Variants in INTS1 observed in about 807,000 individuals in gnomAD.
The protein encoded by INTS1 is integrator complex subunit 1.
In INTS1, 137 loss-of-function variants were observed where a neutral mutation model predicts 241.6. That is an observed-to-expected ratio of 0.57 (90% CI 0.49 to 0.65). The LOEUF (loss-of-function observed/expected upper bound fraction) is 0.65, where lower values mean the gene tolerates loss of function less well. Among genes scored for constraint, INTS1 ranks in the 30% least tolerant of loss-of-function variants. The pLI is 0.00. For synonymous variants in INTS1, 1,692 were observed against 1,337.8 expected (o/e 1.26, Z -5.78); for missense variants, 3,073 against 3,032.2 (o/e 1.01, Z -0.32).
rs1486656935 is a variant in INTS1, at chr7:1,489,586, C to T, written c.2257+5G>A. On this transcript the variant is annotated splice_donor_5th_base_variant and intron_variant, in intron 17 of 47. Coordinates refer to ENST00000404767, the MANE Select transcript of INTS1 (RefSeq NM_001080453.3). ...GTGCGCATGGGGCGGCCAGCAGAGG[C>T]TCACCGATGTTCTCTGGGTTGAATG... 6.4e-7 allele frequency: 1 copy of T among 1,574,622 alleles called. No individual in the cohort carries two copies. The highest frequency in any genetic ancestry group is 2.3e-5 in the East Asian group (1 of 43,346).
At chr7:1,478,639 G>A in intron 32 of INTS1, 87 bp downstream of exon 32, 1 of 1,487,140 alleles carries the variant, frequency 6.7e-7, no homozygotes, top group Non-Finnish European at 9.0e-7. Flanking sequence ...CACTGCCCAG[G>A]CCTCGGGGTG....
chr7:1,500,450 A>G, intron 3 of INTS1, 84 bp from the exon 4 acceptor site: 1 of 1,391,684 alleles, frequency 7.2e-7, no homozygotes, highest in Non-Finnish European at 9.5e-7. Flanking sequence ...ACCACGAGGA[A>G]CCCAGAGCTC....
rs142418270 is a variant in INTS1, at chr7:1,500,620, C to T, written c.350-254G>A. Reference sequence around the variant, plus strand: ...AGTCCTGGCTCCGCTGTGTCCCACACGACTACCCCAAAGGCTACAGACATT... The same window carrying T: ...AGTCCTGGCTCCGCTGTGTCCCACATGACTACCCCAAAGGCTACAGACATT... On this transcript the variant is annotated intron_variant, in intron 3 of 47. Transcript: ENST00000404767. 3.9e-3 allele frequency among the ~76,000 whole-genome samples: 592 copies of T among 152,358 alleles called. 4 individuals carry two copies. Among genetic ancestry groups the T allele is most frequent in the African/African-American group, 0.014 (570 of 41,584 alleles).
Position 1,487,038 on chromosome 7 carries a change from C to A in INTS1, c.2710G>T (p.Val904Leu). 1 of 1,587,486 alleles carries A rather than the reference C, an allele frequency of 6.3e-7. No individual in the cohort carries two copies. The highest frequency in any genetic ancestry group is 8.5e-7 in the Non-Finnish European group (1 of 1,170,576). The change falls in exon 21 of 48, where the codon GTG (valine) becomes TTG (leucine). Residue 904 changes from valine (V) to leucine (L), a missense_variant. Coordinates refer to ENST00000404767, the MANE Select transcript of INTS1 (RefSeq NM_001080453.3). ...LVQSSEGSLD[V>L]LPVQCLCEFL... The stretch of plus-strand genomic sequence containing the variant: ...TCGCACAGACACTGCACGGGCAGCA[C>A]GTCCAGGGAGCCCTCGCTGGACTGT...
At chr7:1,486,877 G>T in intron 21 of INTS1, 45 bp downstream of exon 21, 4 of 1,589,494 alleles carry the variant, frequency 2.5e-6, no homozygotes, top group Non-Finnish European at 3.4e-6. Flanking sequence ...CCTGACAGGG[G>T]TGCGGGGTGA....
chr7:1,502,770 C>T, intron 3 of INTS1, 131 bp downstream of exon 3: 2 of 1,003,436 alleles, frequency 2.0e-6, no homozygotes, highest in East Asian at 2.4e-5. Flanking sequence ...AAGAACAAGC[C>T]ACAAACATCC....
rs778609773 is a variant in INTS1, at chr7:1,487,018, C to G, written c.2730G>C (p.Leu910=). The G allele has an allele frequency of 1.2e-6, 2 of 1,602,596 alleles. No homozygotes were observed. Among genetic ancestry groups the G allele is most frequent in the Non-Finnish European group, 1.7e-6 (2 of 1,177,210 alleles). The change falls in exon 21 of 48, where the codon CTG becomes CTC. Residue 910 remains leucine, a synonymous_variant. Coordinates refer to ENST00000404767, the MANE Select transcript of INTS1 (RefSeq NM_001080453.3). ...CAGCATCGTGCAGCAGGAACTCGCA[C>G]AGACACTGCACGGGCAGCACGTCCA... ...GSLDVLPVQC[L]CEFLLHDAVD...
chr7:1,495,415 A>ACAGGGGCTGTG lies in INTS1; in HGVS notation c.1832+17_1832+18insCACAGCCCCTG. On this transcript the variant is annotated intron_variant, in intron 13 of 47. Transcript: ENST00000404767. ...CAGTGGGGTGTGGGACAGGGGCTGTACAGGGCCCCAGCCGCACCAGTGCAC... is the reference window on the plus strand; with the variant it reads ...CAGTGGGGTGTGGGACAGGGGCTGTACAGGGGCTGTGCAGGGCCCCAGCCGCACCAGTGCAC... 3 of 1,602,636 alleles carry ACAGGGGCTGTG rather than the reference A, an allele frequency of 1.9e-6. No homozygotes were observed. In the Admixed American group the frequency reaches 5.0e-5, roughly 27 times the overall value.
At chr7:1,494,954 G>A in intron 13 of INTS1, 61 bp from the exon 14 acceptor site, 1 of 1,538,520 alleles carries the variant, frequency 6.5e-7, no homozygotes, top group East Asian at 2.4e-5. Context: ...AGCCCCGTTA[G>A]TTCCAGGGAA....
At chr7:1,496,662 G>C (rs561982738) in intron 11 of INTS1, among the ~76,000 whole-genome samples, 4 of 152,168 alleles carry the variant, frequency 2.6e-5, no homozygotes, top group Non-Finnish European at 5.9e-5. Context: ...GGCCACAGGA[G>C]GGAGGTTCAG....
chr7:1,489,663 C>A lies in INTS1; in HGVS notation c.2185G>T (p.Ala729Ser). 1.3e-6 allele frequency: 2 copies of A among 1,567,060 alleles called. No individual in the cohort carries two copies. Among genetic ancestry groups the A allele is most frequent in the Non-Finnish European group, 1.7e-6 (2 of 1,154,816 alleles). The change falls in exon 17 of 48, where the codon GCC (alanine) becomes TCC (serine). Residue 729 changes from alanine (A) to serine (S), a missense_variant. Transcript: ENST00000404767. ...LPPGYQPPNL[A>S]ISTLYWKAWP... ...GCCTTCCAGTAGAGGGTAGAGATGG[C>A]GAGGTTCGGAGGCTGGTACCTGGAA...
rs1781796333 is a variant in INTS1 at position 1,477,845 on chromosome 7, A to C, written c.4722T>G (p.Phe1574Leu). The C allele has an allele frequency of 6.2e-7, 1 of 1,612,446 alleles. No individual in the cohort carries two copies. The highest frequency in any genetic ancestry group is 8.5e-7 in the Non-Finnish European group (1 of 1,179,848). ...FSATADAASP[F>L]PACKPVVVVS... ...CCACCACAACGGGCTTACAGGCTGG[A>C]AACGGGGAGGCAGCATCCGCAGTGG... The change falls in exon 34 of 48, where the codon TTT becomes TTG. Residue 1574 changes from phenylalanine (F) to leucine (L), a missense_variant. Transcript: ENST00000404767.
In INTS1 at chr7:1,498,989, G is replaced by C; in HGVS notation, c.1123C>G (p.Leu375Val). The C allele has an allele frequency of 6.7e-7, 1 of 1,485,178 alleles. No homozygotes were observed. Among genetic ancestry groups the C allele is most frequent in the Non-Finnish European group, 9.0e-7 (1 of 1,115,292 alleles). 92.0% of individuals were successfully genotyped at this position (1,485,178 alleles called of 1,614,324 possible). Residue 375 changes from leucine (L) to valine (V), a missense_variant, in exon 8 of 48, where the codon CTG becomes GTG. Transcript: ENST00000404767. Reference protein sequence around the residue: ...LLAVQKLEMWLQNPKLTRPAQ... With the variant: ...LLAVQKLEMWVQNPKLTRPAQ... Reference sequence around the variant, plus strand: ...CGCCCCCGCACCTTGGGGTTCTGCAGCCACATCTCCAGCTTCTGCACCGCC... The same window carrying C: ...CGCCCCCGCACCTTGGGGTTCTGCACCCACATCTCCAGCTTCTGCACCGCC...
chr7:1,501,061 G>C (rs1783153751), intron 3 of INTS1: 1 of 152,108 alleles, frequency 6.6e-6, no homozygotes, highest in Admixed American at 6.6e-5. Flanking sequence ...GAGGCAGGTG[G>C]ATCACCTGAG....
In INTS1 at chr7:1,477,778, C is replaced by A. The variant is rs759367084; in HGVS notation, c.4789G>T (p.Gly1597Trp). 3.7e-6 allele frequency: 6 copies of A among 1,612,450 alleles called. No individual in the cohort carries two copies. The highest frequency in any genetic ancestry group is 5.1e-6 in the Non-Finnish European group (6 of 1,179,790). Reference sequence around the variant, plus strand: ...CTGCCACCGTCCGCACCCGGCTTCCCCCCAGCCAGGGGCTCCTCCTCCTGC... The same window carrying A: ...CTGCCACCGTCCGCACCCGGCTTCCACCCAGCCAGGGGCTCCTCCTCCTGC... ...LLQEEEPLAGGKPGADGGSLE... is the reference protein window; with the variant it reads ...LLQEEEPLAGWKPGADGGSLE... The change falls in exon 34 of 48, where the codon GGG becomes TGG. Residue 1597 changes from glycine to tryptophan, a missense_variant. Coordinates refer to ENST00000404767, the MANE Select transcript of INTS1 (RefSeq NM_001080453.3).
chr7:1,493,171 G>A lies in INTS1; in HGVS notation c.2069-65C>T. 7.0e-7 allele frequency: 1 copy of A among 1,426,308 alleles called. No individual in the cohort carries two copies. Among genetic ancestry groups the A allele is most frequent in the East Asian group, 2.3e-5 (1 of 43,378 alleles). 88.4% of individuals were successfully genotyped at this position (1,426,308 alleles called of 1,614,324 possible). A position where few individuals can be genotyped will look rare whatever the true frequency, so the allele number is the denominator to read the frequency against. On this transcript the variant is annotated intron_variant, in intron 15 of 47. Coordinates refer to ENST00000404767, the MANE Select transcript of INTS1 (RefSeq NM_001080453.3). This position sits in a 1 kb window ranked among gnomAD's most constrained non-coding sequence, Gnocchi z 5.3. ...CAGACCATCAGGCACAGGCAGCGAG[G>A]GAACCGGCCCTGCTCGGGCCGCGTC...
intron 26 of INTS1, chr7:1,483,461 G>C (rs1782093419): frequency 3.9e-6 from 2 of 518,224 alleles, no homozygotes; most frequent in South Asian, 4.0e-5. Context: ...GGCTGGGGCA[G>C]TGAGGACTCT....
chr7:1,503,907 G>C lies in INTS1; in HGVS notation c.54C>G (p.Pro18=), dbSNP rs546723646. The C allele has an allele frequency of 6.4e-7, 1 of 1,570,010 alleles. No individual in the cohort carries two copies. Among genetic ancestry groups the C allele is most frequent in the South Asian group, 1.2e-5 (1 of 85,890 alleles). The change falls in exon 2 of 48, where the codon CCC becomes CCG. Residue 18 remains proline, a synonymous_variant. Transcript: ENST00000404767. ...TVRRPSAAAK[P]SGHPPPGDFI... is the part of the protein sequence containing the mutation. ...AGAGCGAGGAGGGAGACGCACCTGA[G>C]GGTTTGGCCGCGGCGCTGGGCCGGC...
chr7:1,474,083 G>T (rs1781596887), intron 41 of INTS1, 85 bp downstream of exon 41: 1 of 1,407,202 alleles, frequency 7.1e-7, no homozygotes, highest in African/African-American at 1.4e-5. Flanking sequence ...GGTCCTCCCA[G>T]TCCCTCCGCG....
Sources: gnomAD v4.1 joint callset for allele counts (sites outside exome capture counted in the v4.1 genomes callset) on GRCh38, gnomAD v4.1.1 for gene constraint, Gnocchi (gnomAD v3.1) non-coding constraint, MANE v1.5 for transcripts, NCBI Gene and HGNC (gene_info 2026-07-23, HGNC 2026-07-21) for gene names.